The following LRRC18 variants were observed in gnomAD, a reference collection of about 807,000 sequenced individuals.
LRRC18 encodes the protein leucine rich repeat containing 18.
Under a neutral mutation model 11.2 loss-of-function variants are expected in LRRC18, and 12 were observed. The ratio of observed to expected loss-of-function variants is 1.07; its 90% CI spans 0.69 to 1.74. The LOEUF (loss-of-function observed/expected upper bound fraction) is 1.74, where lower values mean the gene tolerates loss of function less well. Among genes scored for constraint, LRRC18 ranks in the 40% most tolerant of loss-of-function variants. The probability of loss-of-function intolerance (pLI) is 0.00; values close to 1 mark genes in which losing one functional copy is unlikely to be tolerated. For synonymous variants in LRRC18, 155 were observed against 130.6 expected (o/e 1.19, Z -1.27); for missense variants, 374 against 330.5 (o/e 1.13, Z -1.02).
chr10:48,925,753 A>C, the LRRC18 span, among the ~76,000 whole-genome samples: 2 of 152,134 alleles, frequency 1.3e-5, no homozygotes, highest in African/African-American at 4.8e-5. Context: ...GGAATCTTAC[A>C]GGGACTCCAC....
At chr10:48,913,625 G>A (rs759510322) in exon 1 of LRRC18, 360 of 1,613,932 alleles carry the variant, frequency 2.2e-4, no homozygotes, top group Non-Finnish European at 3.0e-4. Flanking sequence ...TTGGAAAGGG[G>A]TTCCGCTTTA....
chr10:48,933,509 CTCA>C, the LRRC18 span, among the ~76,000 whole-genome samples: 2 of 152,208 alleles, frequency 1.3e-5, no homozygotes, highest in Non-Finnish European at 2.9e-5. Flanking sequence ...AAGCTCCTGA[CTCA>C]TCATGTTCTG....
the LRRC18 span, among the ~76,000 whole-genome samples, chr10:48,936,837 C>CAA: frequency 1.7e-5 from 1 of 59,288 alleles, no homozygotes; most frequent in Non-Finnish European, 3.5e-5. Context: ...GACTCCGTCT[C>CAA]AAAAAAAAAA....
chr10:48,930,806 C>T, the LRRC18 span, among the ~76,000 whole-genome samples: 3 of 151,718 alleles, frequency 2.0e-5, no homozygotes, highest in Non-Finnish European at 4.4e-5. Flanking sequence ...AAAATTATTT[C>T]CCAAAAATGT....
exon 2 of LRRC18, chr10:48,910,213 CTT>C: frequency 7.5e-7 from 1 of 1,325,002 alleles, no homozygotes; most frequent in East Asian, 2.8e-5. Flanking sequence ...GCTGAGTAGT[CTT>C]CAAGATTTTG....
the LRRC18 span, among the ~76,000 whole-genome samples, chr10:48,934,363 T>C: frequency 5.9e-5 from 9 of 152,192 alleles, no homozygotes; most frequent in Non-Finnish European, 1.2e-4. Flanking sequence ...GACATTACAA[T>C]TGAGTCACAA....
exon 2 of LRRC18, chr10:48,910,117 C>A: frequency 2.1e-6 from 2 of 951,744 alleles, no homozygotes; most frequent in Non-Finnish European, 3.4e-6. Context: ...CCAGCTCCGG[C>A]GAGCCTGGTT....
chr10:48,935,258 C>G, the LRRC18 span: 2 of 152,374 alleles, frequency 1.3e-5, no homozygotes, highest in Admixed American at 1.3e-4. Context: ...AGGTCATTAG[C>G]ACAGTCTTGA....
chr10:48,930,055 T>C, the LRRC18 span, among the ~76,000 whole-genome samples: 1 of 152,114 alleles, frequency 6.6e-6, no homozygotes, highest in African/African-American at 2.4e-5. Flanking sequence ...ACATGGCCTG[T>C]CTGGTTCACT....
At chr10:48,930,505 AG>A in the LRRC18 span, among the ~76,000 whole-genome samples, 1 of 152,172 alleles carries the variant, frequency 6.6e-6, no homozygotes, top group African/African-American at 2.4e-5. Context: ...GGTTAGGCCA[AG>A]GGGAGAAGGA....
chr10:48,935,165 A>G, the LRRC18 span: 1 of 152,262 alleles, frequency 6.6e-6, no homozygotes, highest in Non-Finnish European at 1.5e-5. Flanking sequence ...CCGCCGCCCG[A>G]GCAAAACTTA....
chr10:48,914,782 A>G (rs2377650), upstream of LRRC18, among the ~76,000 whole-genome samples: 23,138 of 152,150 alleles, frequency 0.15, 2,036 homozygotes, highest in African/African-American at 0.22. Context: ...GTAGCCATGC[A>G]GAAAAGCCTG....
chr10:48,939,415 G>A, the LRRC18 span, among the ~76,000 whole-genome samples: 1 of 152,212 alleles, frequency 6.6e-6, no homozygotes, highest in Non-Finnish European at 1.5e-5. Flanking sequence ...AGAGCGGCTT[G>A]CTGTCTTGCT....
exon 1 of LRRC18, chr10:48,913,432 A>G: frequency 6.2e-7 from 1 of 1,612,594 alleles, no homozygotes; most frequent in Non-Finnish European, 8.5e-7. Flanking sequence ...GAATTGGGTG[A>G]GATCAGATTG....
At chr10:48,931,733 T>C in the LRRC18 span, among the ~76,000 whole-genome samples, 1 of 152,250 alleles carries the variant, frequency 6.6e-6, no homozygotes, top group Non-Finnish European at 1.5e-5. Context: ...TAGAAACTTT[T>C]CCTAAATTCA....
chr10:48,915,888 A>G (rs1221800447), upstream of LRRC18, among the ~76,000 whole-genome samples: 2 of 152,192 alleles, frequency 1.3e-5, no homozygotes, highest in African/African-American at 4.8e-5. Context: ...ATTTTCGGGC[A>G]TAATTGGCTG....
At chr10:48,914,300 C>A (rs74684165), upstream of LRRC18, 2 of 853,944 alleles carry the variant, frequency 2.3e-6, no homozygotes, top group African/African-American at 1.7e-5. Flanking sequence ...CACGTCATGA[C>A]GCTTTGCTCT....
the LRRC18 span, among the ~76,000 whole-genome samples, chr10:48,923,508 A>ATATATATATGTATGTATGTG: frequency 6.8e-6 from 1 of 146,262 alleles, no homozygotes; most frequent in Non-Finnish European, 1.5e-5. Context: ...ATATATATAT[A>ATATATATATGTATGTATGTG]TATATGTCCC....
the LRRC18 span, chr10:48,932,543 G>A: frequency 0.78 from 118,169 of 152,030 alleles, 49,427 homozygotes; most frequent in East Asian, 1. Flanking sequence ...CTGTCCAACA[G>A]TTCCTACTGG....
Sources: gnomAD v4.1 joint callset for allele counts (sites outside exome capture counted in the v4.1 genomes callset) on GRCh38, gnomAD v4.1.1 for gene constraint, MANE v1.5 for transcripts, NCBI Gene and HGNC (gene_info 2026-07-23, HGNC 2026-07-21) for gene names.